The following SMIM45 variants were observed in gnomAD, a reference collection of about 807,000 sequenced individuals.
SMIM45 encodes small integral membrane protein 45, also known as long intergenic non-protein coding RNA 634.
At chr22:41,948,742 A>G in the SMIM45 span, among the ~76,000 whole-genome samples, 6 of 152,112 alleles carry the variant, frequency 3.9e-5, no homozygotes, top group Non-Finnish European at 5.9e-5. Context: ...ATATAGTGAG[A>G]CCTCATCTCT....
chr22:41,953,234 C>T, the SMIM45 span, among the ~76,000 whole-genome samples: 2 of 152,006 alleles, frequency 1.3e-5, no homozygotes, highest in African/African-American at 4.8e-5. Flanking sequence ...CCCCTGGGGC[C>T]ACAGCTTCCC....
the SMIM45 span, among the ~76,000 whole-genome samples, chr22:41,955,210 C>A: frequency 6.7e-6 from 1 of 150,132 alleles, no homozygotes; most frequent in Admixed American, 6.6e-5. Flanking sequence ...GACAGAGTTT[C>A]ACTCTTGTTG....
the SMIM45 span, chr22:41,952,200 C>T: frequency 6.6e-6 from 1 of 152,390 alleles, no homozygotes; most frequent in Non-Finnish European, 1.5e-5. Flanking sequence ...CCAGGACTGC[C>T]CCCTCCTGGC....
the SMIM45 span, among the ~76,000 whole-genome samples, chr22:41,950,619 G>A: frequency 6.6e-6 from 1 of 152,056 alleles, no homozygotes; most frequent in Non-Finnish European, 1.5e-5. Flanking sequence ...GATCACCTGA[G>A]CCCAGGAGGC....
chr22:41,947,881 T>C, the SMIM45 span, among the ~76,000 whole-genome samples: 1 of 152,142 alleles, frequency 6.6e-6, no homozygotes, highest in East Asian at 1.9e-4. Context: ...GCAGCCCTCC[T>C]GCTTCAGCCT....
the SMIM45 span, chr22:41,947,071 CG>C: frequency 1.2e-6 from 2 of 1,612,866 alleles, no homozygotes; most frequent in South Asian, 2.2e-5. Flanking sequence ...GCCTCAACAC[CG>C]ACATCACAGC....
the SMIM45 span, chr22:41,947,047 C>T: frequency 1.2e-6 from 2 of 1,612,968 alleles, no homozygotes; most frequent in South Asian, 1.1e-5. Flanking sequence ...TCAGGCCGGG[C>T]AGCTTGTCCA....
At chr22:41,957,767 T>A in the SMIM45 span, 1 of 153,948 alleles carries the variant, frequency 6.5e-6, no homozygotes, top group African/African-American at 2.4e-5. Flanking sequence ...CGCCTGCATC[T>A]ACTACTTCGA....
chr22:41,952,618 A>T, the SMIM45 span, among the ~76,000 whole-genome samples: 3 of 152,212 alleles, frequency 2.0e-5, no homozygotes, highest in South Asian at 6.2e-4. Flanking sequence ...GAGAGGGTGA[A>T]GAAGGGGCCA....
At chr22:41,956,727 G>A in the SMIM45 span, among the ~76,000 whole-genome samples, 6 of 152,206 alleles carry the variant, frequency 3.9e-5, no homozygotes, top group Non-Finnish European at 7.3e-5. Context: ...CCCTTCCATA[G>A]GGGAGGAAGC....
At chr22:41,951,286 T>C in the SMIM45 span, among the ~76,000 whole-genome samples, 21 of 152,352 alleles carry the variant, frequency 1.4e-4, no homozygotes, top group Non-Finnish European at 2.6e-4. Context: ...ATACCTTGTC[T>C]ATGGCATAGG....
chr22:41,947,382 T>TG, the SMIM45 span, among the ~76,000 whole-genome samples: 1 of 151,870 alleles, frequency 6.6e-6, no homozygotes, highest in African/African-American at 2.4e-5. Context: ...TTTTTTTTTT[T>TG]TTGAGACAGA....
chr22:41,956,462 T>C, the SMIM45 span, among the ~76,000 whole-genome samples: 13 of 152,230 alleles, frequency 8.5e-5, no homozygotes, highest in Non-Finnish European at 1.5e-4. Context: ...GTTTGTTCAC[T>C]ACACTTTCAC....
At chr22:41,955,766 A>G in the SMIM45 span, among the ~76,000 whole-genome samples, 1 of 148,246 alleles carries the variant, frequency 6.7e-6, no homozygotes, top group Non-Finnish European at 1.5e-5. Flanking sequence ...AGATGGCGCC[A>G]CTGCATTCCA....
the SMIM45 span, among the ~76,000 whole-genome samples, chr22:41,953,740 GTTTTTTTTTTTTTT>G: frequency 0.25 from 22,595 of 89,596 alleles, 2,577 homozygotes; most frequent in Admixed American, 0.35. Context: ...TCTGTGATCT[GTTTTTTTTTTTTTT>G]TTTTTTTTTT....
the SMIM45 span, among the ~76,000 whole-genome samples, chr22:41,955,099 C>T: frequency 1.3e-5 from 2 of 152,298 alleles, no homozygotes; most frequent in Non-Finnish European, 1.5e-5. Flanking sequence ...CTCCGCCTCT[C>T]GCTCAGTGGA....
chr22:41,954,714 A>G, the SMIM45 span, among the ~76,000 whole-genome samples: 1 of 152,194 alleles, frequency 6.6e-6, no homozygotes, highest in Non-Finnish European at 1.5e-5. Context: ...GCCATTCTAA[A>G]GAGTCTGGGT....
the SMIM45 span, chr22:41,946,952 T>C: frequency 5.6e-5 from 85 of 1,518,624 alleles, no homozygotes; most frequent in Non-Finnish European, 7.4e-5. Flanking sequence ...AGAGCTCAGT[T>C]GACCTAGTGG....
the SMIM45 span, among the ~76,000 whole-genome samples, chr22:41,956,200 G>A: frequency 6.6e-6 from 1 of 152,170 alleles, no homozygotes; most frequent in Admixed American, 6.5e-5. Flanking sequence ...TAGTAGAGAC[G>A]GGGTTTTGCC....
Sources: allele counts gnomAD v4.1 joint callset (sites outside exome capture counted in the v4.1 genomes callset), GRCh38; gene constraint gnomAD v4.1.1; transcripts MANE v1.5; gene names NCBI Gene and HGNC (gene_info 2026-07-23, HGNC 2026-07-21).